The following ARHGAP6 variants were observed in gnomAD, a reference collection of about 807,000 sequenced individuals.
The protein encoded by ARHGAP6 is Rho GTPase activating protein 6, also known as rho GTPase-activating protein 6.
ARHGAP6 carries 16 observed loss-of-function variants against 55.7 expected under a neutral mutation model. The observed-to-expected ratio is 0.29, with a 90% CI of 0.19 to 0.44. ARHGAP6 has a LOEUF of 0.44. Among genes scored for constraint, ARHGAP6 ranks in the 20% least tolerant of loss-of-function variants. ARHGAP6 has a pLI of 1.00. For synonymous variants in ARHGAP6, 382 were observed against 360.9 expected (o/e 1.06, Z -0.66); for missense variants, 698 against 808.9 (o/e 0.86, Z 1.66).
chrX:11,601,717 C>G (rs1008712194), intron 1 of ARHGAP6, among the ~76,000 whole-genome samples: 2 of 111,625 alleles, frequency 1.8e-5, no homozygotes, highest in Non-Finnish European at 3.8e-5. Context: ...ATGTGTCAAT[C>G]TCTAGAGACA....
intron 2 of ARHGAP6, among the ~76,000 whole-genome samples, chrX:11,221,804 G>A (rs1014972593): frequency 7.2e-5 from 8 of 111,050 alleles, no homozygotes; most frequent in African/African-American, 2.6e-4. Flanking sequence ...AGATACTTTT[G>A]TTATTTTGTT....
chrX:11,649,572 T>A (rs1292344729), intron 1 of ARHGAP6, among the ~76,000 whole-genome samples: 4 of 111,696 alleles, frequency 3.6e-5, no homozygotes, highest in Admixed American at 1.9e-4. Flanking sequence ...TCTTCATTAC[T>A]CCTTCCTGAG....
At chrX:11,321,944 T>G (rs1044018505) in intron 1 of ARHGAP6, among the ~76,000 whole-genome samples, 2 of 112,093 alleles carry the variant, frequency 1.8e-5, no homozygotes, top group Non-Finnish European at 3.8e-5. Flanking sequence ...GCAGTTAAAG[T>G]GGCGCTCTGG....
intron 1 of ARHGAP6, among the ~76,000 whole-genome samples, chrX:11,562,263 T>C (rs2051392332): frequency 8.9e-6 from 1 of 111,746 alleles, no homozygotes; most frequent in African/African-American, 3.3e-5. Context: ...AAAATGAAAA[T>C]TGCCTTTCAA....
At chrX:11,386,691 C>T (rs1188118414) in intron 1 of ARHGAP6, among the ~76,000 whole-genome samples, 1 of 111,794 alleles carries the variant, frequency 8.9e-6, no homozygotes, top group Non-Finnish European at 1.9e-5. Context: ...ACTTACTTTC[C>T]CAGCATCTTG....
rs2047849726 is a variant in ARHGAP6 at position 11,281,137 on chromosome X, A to T, written c.589-26430T>A. On this transcript the variant is annotated intron_variant, in intron 1 of 12. Coordinates refer to ENST00000337414, the MANE Select transcript of ARHGAP6 (RefSeq NM_013427.3). ...AACAATACAGATGAATCCCAGAGAC[A>T]TCACGTTGAGCGAAAGAAGTCTGAC... Among the ~76,000 whole-genome samples the T allele has an allele frequency of 2.7e-5, 3 of 112,232 alleles. No individual in the cohort carries two copies. The Admixed American group carries it at 2.8e-4, about 11-fold the overall frequency.
Position 11,227,918 on chromosome X carries a change from C to CT in ARHGAP6, c.748+26629dup, listed in dbSNP as rs1173188405. Among the ~76,000 whole-genome samples the CT allele has an allele frequency of 5.7e-3, 604 of 105,182 alleles. 6 individuals are homozygous for CT. The highest frequency in any genetic ancestry group is 0.02 in the African/African-American group (570 of 28,780). The allele number at this position is 105,182 out of a possible 115,157, so 91.3% of individuals were successfully genotyped here. On this transcript the variant is annotated intron_variant, in intron 2 of 12. Transcript: ENST00000337414. ...TAGCAGTAACACAAGTTTTGTATTA[C>CT]TTTTTTTTTTATTCGTGCATTTGCT... is the stretch of plus-strand genomic sequence containing the variant.
intron 1 of ARHGAP6, among the ~76,000 whole-genome samples, chrX:11,659,456 C>T (rs1411168415): frequency 9.0e-6 from 1 of 111,182 alleles, no homozygotes; most frequent in Admixed American, 9.6e-5. Context: ...TTAAAAGAAG[C>T]ATCCCTGGCC....
Position 11,633,413 on chromosome X carries a change from C to A in ARHGAP6, c.588+30828G>T, listed in dbSNP as rs146510988. 4.1e-3 allele frequency among the ~76,000 whole-genome samples: 455 copies of A among 111,799 alleles called. 9 individuals carry two copies. The highest frequency in any genetic ancestry group is 0.025 in the East Asian group (90 of 3,549). ...ACCTTTTGTTTCTCTCTACCTCCCC[C>A]ATTACTTCTCCATACCTTCTTCTGA... is the stretch of plus-strand genomic sequence containing the variant. On this transcript the variant is annotated intron_variant, in intron 1 of 12. Coordinates refer to ENST00000337414, the MANE Select transcript of ARHGAP6 (RefSeq NM_013427.3).
At chrX:11,441,639 C>T (rs866084076) in intron 1 of ARHGAP6, among the ~76,000 whole-genome samples, 2 of 111,745 alleles carry the variant, frequency 1.8e-5, no homozygotes, top group Admixed American at 9.5e-5. Flanking sequence ...CAGCGGTAAC[C>T]CAAGCACAGG....
At chrX:11,576,387 G>A (rs969973798) in intron 1 of ARHGAP6, among the ~76,000 whole-genome samples, 1 of 111,759 alleles carries the variant, frequency 8.9e-6, no homozygotes, top group Non-Finnish European at 1.9e-5. Flanking sequence ...ACAGTTATCT[G>A]ACTAGTGAAG....
At chrX:11,321,463 T>C (rs1284217157) in intron 1 of ARHGAP6, among the ~76,000 whole-genome samples, 1 of 111,987 alleles carries the variant, frequency 8.9e-6, no homozygotes, top group Non-Finnish European at 1.9e-5. Flanking sequence ...GTGCAATAAA[T>C]GCTACTCACA....
intron 1 of ARHGAP6, among the ~76,000 whole-genome samples, chrX:11,316,434 A>G (rs1359887700): frequency 1.8e-5 from 2 of 112,451 alleles, no homozygotes; most frequent in Non-Finnish European, 3.8e-5. Flanking sequence ...TTAAAAAATT[A>G]ACAAATAAAA....
intron 1 of ARHGAP6, among the ~76,000 whole-genome samples, chrX:11,609,106 A>G (rs913777942): frequency 1.8e-5 from 2 of 111,789 alleles, no homozygotes; most frequent in African/African-American, 3.3e-5. Flanking sequence ...GGTTAGGGGC[A>G]GTGGTCCTGG....
intron 1 of ARHGAP6, among the ~76,000 whole-genome samples, chrX:11,513,947 A>C (rs1303523426): frequency 9.1e-6 from 1 of 109,829 alleles, no homozygotes; most frequent in Admixed American, 9.8e-5. Flanking sequence ...GAATCACTTG[A>C]GCTCAGGAGT....
chrX:11,451,710 T>C (rs1467248374), intron 1 of ARHGAP6, among the ~76,000 whole-genome samples: 2 of 111,796 alleles, frequency 1.8e-5, no homozygotes, highest in Non-Finnish European at 3.8e-5. Flanking sequence ...ACAATGCCCT[T>C]TCTCCATGAT....
intron 1 of ARHGAP6, among the ~76,000 whole-genome samples, chrX:11,477,163 A>T (rs890397663): frequency 2.3e-4 from 16 of 70,055 alleles, no homozygotes; most frequent in Admixed American, 1.4e-3. Flanking sequence ...AAATATGATA[A>T]AAAAAAAAAA....
At chrX:11,291,919 C>A (rs1032160431) in intron 1 of ARHGAP6, among the ~76,000 whole-genome samples, 1 of 111,698 alleles carries the variant, frequency 9.0e-6, no homozygotes, top group Non-Finnish European at 1.9e-5. Context: ...ACTGATTTAT[C>A]CCCAAAGATC....
At chrX:11,204,885 C>T (rs1364150828) in intron 2 of ARHGAP6, among the ~76,000 whole-genome samples, 1 of 112,141 alleles carries the variant, frequency 8.9e-6, no homozygotes, top group African/African-American at 3.2e-5. Context: ...ACAGTCCAGA[C>T]CTCCACTGTT....
Sources: gnomAD v4.1 joint callset for allele counts (sites outside exome capture counted in the v4.1 genomes callset) on GRCh38, gnomAD v4.1.1 for gene constraint, MANE v1.5 for transcripts, NCBI Gene and HGNC (gene_info 2026-07-23, HGNC 2026-07-21) for gene names.